FAM72B: variants seen among roughly 807,000 people sequenced by gnomAD.
The protein encoded by FAM72B is RUMY family member 2, also known as protein FAM72B.
FAM72B carries 4 observed loss-of-function variants against 12.6 expected under a neutral mutation model. The ratio of observed to expected loss-of-function variants is 0.32; its 90% CI spans 0.16 to 0.73. The LOEUF (loss-of-function observed/expected upper bound fraction) is 0.73, where lower values mean the gene tolerates loss of function less well. FAM72B is among the 30% of genes least tolerant of loss of function. FAM72B has a pLI of 0.67. For missense variants in FAM72B, 61 were observed against 158.4 expected, an observed-to-expected ratio of 0.39 and a Z score of 3.30; for synonymous variants, 13 against 53.9, an observed-to-expected ratio of 0.24 and a Z score of 3.32.
At chr1:121,174,980 T>C (rs1188688911) in intron 3 of FAM72B, among the ~76,000 whole-genome samples, 19 of 151,892 alleles carry the variant, frequency 1.3e-4, no homozygotes, top group Admixed American at 1.2e-3. Flanking sequence ...CAGCCTTCTA[T>C]TGGAAGGAGA....
intron 3 of FAM72B, 42 bp from the exon 4 acceptor site, chr1:121,168,877 G>T (rs1553315778): frequency 5.1e-6 from 8 of 1,566,644 alleles, no homozygotes; most frequent in Non-Finnish European, 5.2e-6. Flanking sequence ...GCTTACTACT[G>T]TTATAACTCA....
chr1:121,179,698 C>T (rs1350153018), intron 2 of FAM72B, among the ~76,000 whole-genome samples: 3 of 146,642 alleles, frequency 2.0e-5, no homozygotes, highest in African/African-American at 5.0e-5. Flanking sequence ...CATGGTGGTG[C>T]GTGCCTGTAG....
intron 2 of FAM72B, among the ~76,000 whole-genome samples, chr1:121,178,330 TA>T (rs1354998691): frequency 4.7e-5 from 1 of 21,434 alleles, no homozygotes; most frequent in Non-Finnish European, 9.1e-5. Context: ...GCTAGTACTT[TA>T]AAAAAAATAG....
In FAM72B at chr1:121,168,832, A is replaced by G. The variant is rs782185693; in HGVS notation, c.359T>C (p.Val120Ala). ...CAAGTTGCCCCAAAGTAGGATGTTT[A>G]CACCTGAAAATAAAAAATCATAAAA... ...YDINRLDSTG[V>A]NILLWGNLPE... Residue 120 changes from valine to alanine, a missense_variant, in exon 4 of 4, where the codon GTA becomes GCA. Physicochemically the swap from Val to Ala is moderately conservative, Grantham distance 64 (BLOSUM62 0). Coordinates refer to ENST00000369390, the MANE Select transcript of FAM72B (RefSeq NM_001100910.2). The G allele has an allele frequency of 1.2e-6, 2 of 1,606,362 alleles. No individual in the cohort carries two copies. The highest frequency in any genetic ancestry group is 2.2e-5 in the South Asian group (2 of 89,450).
intron 3 of FAM72B, among the ~76,000 whole-genome samples, chr1:121,172,962 C>T (rs1265740397): frequency 5.7e-5 from 7 of 122,452 alleles, no homozygotes; most frequent in Non-Finnish European, 1.2e-4. Context: ...CCTGTAATCT[C>T]GCTACTCGGG....
At chr1:121,179,345 T>C (rs1263276627) in intron 2 of FAM72B, among the ~76,000 whole-genome samples, 2 of 151,904 alleles carry the variant, frequency 1.3e-5, no homozygotes, top group African/African-American at 2.4e-5. Flanking sequence ...GCCATTGCAC[T>C]CCAGCCTGGG....
At chr1:121,174,719 C>T (rs1264523084) in intron 3 of FAM72B, among the ~76,000 whole-genome samples, 20 of 144,264 alleles carry the variant, frequency 1.4e-4, no homozygotes, top group African/African-American at 3.7e-4. Context: ...TGCAATGGTG[C>T]GATCTCGGCT....
intron 3 of FAM72B, among the ~76,000 whole-genome samples, chr1:121,172,578 C>A (rs1553316310): frequency 1.4e-5 from 2 of 146,220 alleles, no homozygotes; most frequent in African/African-American, 2.8e-5. Flanking sequence ...GCCTGGGCAA[C>A]ATGGCAAAAC....
rs1265818184 is a variant in FAM72B, at chr1:121,168,480, T to C, written c.*261A>G. Reference sequence around the variant, plus strand: ...GGTAACTGAGTGATATGTGAAAGAATCTTCCCGTCTGAATTTAAGAATACA... The same window carrying C: ...GGTAACTGAGTGATATGTGAAAGAACCTTCCCGTCTGAATTTAAGAATACA... On this transcript the variant is annotated 3_prime_UTR_variant, in exon 4 of 4. Transcript: ENST00000369390. 3.7e-6 allele frequency: 1 copy of C among 272,716 alleles called. No individual in the cohort carries two copies. Among genetic ancestry groups the C allele is most frequent in the African/African-American group, 2.2e-5 (1 of 44,500 alleles). The allele number at this position is 272,716 out of a possible 1,614,324, so 16.9% of individuals were successfully genotyped here.
chr1:121,172,750 G>T (rs1169654799), intron 3 of FAM72B, among the ~76,000 whole-genome samples: 1 of 76,356 alleles, frequency 1.3e-5, no homozygotes, highest in Non-Finnish European at 2.4e-5. Context: ...GTGACAGAAT[G>T]ACTCCATCTC....
intron 2 of FAM72B, among the ~76,000 whole-genome samples, chr1:121,177,548 C>CTATTATTAT (rs200543221): frequency 1.0e-3 from 108 of 103,612 alleles, no homozygotes; most frequent in East Asian, 1.5e-3. Context: ...CATTTCTTTG[C>CTATTATTAT]TATTATTATT....
chr1:121,180,436 C>T (rs1358188342), intron 2 of FAM72B, among the ~76,000 whole-genome samples: 1 of 133,050 alleles, frequency 7.5e-6, no homozygotes, highest in African/African-American at 3.1e-5. Context: ...GTAATCCCAG[C>T]TACTCAGGAG....
At chr1:121,172,543 A>G (rs1654114818) in intron 3 of FAM72B, among the ~76,000 whole-genome samples, 1 of 146,010 alleles carries the variant, frequency 6.8e-6, no homozygotes, top group Non-Finnish European at 1.5e-5. Flanking sequence ...TGGGCAGATC[A>G]CCTGAGGTCA....
chr1:121,169,493 TTTAATGATGTTTAAGAATGGAG>T (rs1553315876), intron 3 of FAM72B, among the ~76,000 whole-genome samples: 1 of 148,932 alleles, frequency 6.7e-6, no homozygotes, highest in Non-Finnish European at 1.5e-5. Context: ...TCTGATCTAT[TTTAATGATGTTTAAGAATGGAG>T]ATCTCACAAG....
At chr1:121,178,749 C>T (rs1558070224) in intron 2 of FAM72B, among the ~76,000 whole-genome samples, 2 of 151,972 alleles carry the variant, frequency 1.3e-5, no homozygotes, top group African/African-American at 2.4e-5. Flanking sequence ...TCTAGCGAGG[C>T]TACATCAGAT....
intron 3 of FAM72B, among the ~76,000 whole-genome samples, chr1:121,169,696 T>C (rs1164922097): frequency 6.6e-6 from 1 of 152,066 alleles, no homozygotes; most frequent in Non-Finnish European, 1.5e-5. Flanking sequence ...ACCAGTGGGT[T>C]TCAGTCCACA....
At chr1:121,175,168 G>A (rs1411891584) in intron 3 of FAM72B, among the ~76,000 whole-genome samples, 13 of 152,020 alleles carry the variant, frequency 8.6e-5, no homozygotes, top group Admixed American at 8.5e-4. Context: ...AATATACTTT[G>A]CCTGTGCGCT....
chr1:121,179,997 T>A (rs1654298597), intron 2 of FAM72B, among the ~76,000 whole-genome samples: 2 of 90,110 alleles, frequency 2.2e-5, no homozygotes, highest in Non-Finnish European at 3.9e-5. Context: ...TAAGAAGAGC[T>A]TGCCAATTTA....
chr1:121,171,652 C>CT (rs1461661210), intron 3 of FAM72B, among the ~76,000 whole-genome samples: 1 of 140,834 alleles, frequency 7.1e-6, no homozygotes, highest in African/African-American at 2.7e-5. Context: ...AGGAAAAATA[C>CT]TATCAAAGCA....
Sources: gnomAD v4.1 joint callset for allele counts (sites outside exome capture counted in the v4.1 genomes callset) on GRCh38, gnomAD v4.1.1 for gene constraint, MANE v1.5 for transcripts, NCBI Gene and HGNC (gene_info 2026-07-23, HGNC 2026-07-21) for gene names.